ASXL1: variants seen among roughly 807,000 people sequenced by gnomAD.
The protein encoded by ASXL1 is ASXL transcriptional regulator 1.
ASXL1 carries 65 observed loss-of-function variants against 89.1 expected under a neutral mutation model. The ratio of observed to expected loss-of-function variants is 0.73; its 90% CI spans 0.60 to 0.90. ASXL1 has a LOEUF of 0.90. Ranked by LOEUF, ASXL1 falls within the 40% of genes least tolerant of loss-of-function variation. The pLI, the probability that ASXL1 is intolerant of heterozygous loss-of-function variation, is 0.00. For missense variants in ASXL1, 1,786 were observed against 1,942.9 expected (o/e 0.92, Z 1.52); for synonymous variants, 739 against 746.9 (o/e 0.99, Z 0.17).
At chr20:32,372,378 A>C (rs765508372) in intron 4 of ASXL1, 5 of 1,135,922 alleles carry the variant, frequency 4.4e-6, no homozygotes, top group Non-Finnish European at 5.4e-6. Context: ...GGCCTTTTAC[A>C]TCCATAGGCA....
At chr20:32,385,307 T>A (rs1340059970) in intron 4 of ASXL1, among the ~76,000 whole-genome samples, 1 of 152,174 alleles carries the variant, frequency 6.6e-6, no homozygotes, top group Non-Finnish European at 1.5e-5. Flanking sequence ...AGAGGACAGG[T>A]TAGGAACTTT....
At chr20:32,391,715 C>CTG (rs1403842414) in intron 4 of ASXL1, among the ~76,000 whole-genome samples, 7 of 152,150 alleles carry the variant, frequency 4.6e-5, no homozygotes, top group African/African-American at 1.7e-4. Flanking sequence ...TCTTGAACTT[C>CTG]TGAGCTCAAG....
intron 6 of ASXL1, chr20:32,428,785 C>T (rs1014362382): frequency 2.7e-5 from 8 of 296,232 alleles, no homozygotes; most frequent in South Asian, 1.9e-4. Flanking sequence ...CTCAGCCTCC[C>T]GAGTAGCTGG....
intron 4 of ASXL1, among the ~76,000 whole-genome samples, chr20:32,416,268 C>T (rs902554971): frequency 6.6e-6 from 1 of 151,916 alleles, no homozygotes; most frequent in Admixed American, 6.6e-5. Flanking sequence ...GAACTTACTC[C>T]TTCTATTTAA....
At chr20:32,375,658 A>G (rs552023471) in intron 4 of ASXL1, among the ~76,000 whole-genome samples, 1 of 151,520 alleles carries the variant, frequency 6.6e-6, no homozygotes, top group Admixed American at 6.7e-5. Context: ...GTTGTATAGA[A>G]GTAAGTAGTT....
At chr20:32,411,994 G>A (rs1031974747) in intron 4 of ASXL1, among the ~76,000 whole-genome samples, 1 of 151,986 alleles carries the variant, frequency 6.6e-6, no homozygotes, top group African/African-American at 2.4e-5. Flanking sequence ...TTACTTACCT[G>A]CTTTCTGACC....
At chr20:32,420,677 G>A (rs1469052581) in intron 4 of ASXL1, among the ~76,000 whole-genome samples, 1 of 152,012 alleles carries the variant, frequency 6.6e-6, no homozygotes, top group East Asian at 1.9e-4. Flanking sequence ...CTGTAAAATT[G>A]AATTTCTTTC....
intron 4 of ASXL1, chr20:32,372,453 G>A (rs2048313815): frequency 9.6e-7 from 1 of 1,044,736 alleles, no homozygotes; most frequent in Non-Finnish European, 1.2e-6. Flanking sequence ...GGTTCCTCTA[G>A]TTAGACTGTA....
intron 4 of ASXL1, among the ~76,000 whole-genome samples, chr20:32,409,231 C>T (rs908037537): frequency 6.6e-6 from 1 of 152,142 alleles, no homozygotes; most frequent in Admixed American, 6.5e-5. Flanking sequence ...CCTTGGCCTT[C>T]CAAAGTGCTG....
intron 10 of ASXL1, 59 bp downstream of exon 10, chr20:32,431,738 G>A (rs2123240968): frequency 2.6e-6 from 4 of 1,552,110 alleles, no homozygotes; most frequent in Admixed American, 3.4e-5. Context: ...GGTGTTGCAT[G>A]TCTCCTGGTA....
chr20:32,404,737 T>C (rs1198828949), intron 4 of ASXL1, among the ~76,000 whole-genome samples: 1 of 152,242 alleles, frequency 6.6e-6, no homozygotes, highest in East Asian at 1.9e-4. Flanking sequence ...AGAAAGCCTT[T>C]AGTCTTTCAC....
At position 32,433,577 on chromosome 20, in the gene ASXL1, G is replaced by A. The variant is rs1183748271; in HGVS notation, c.1379G>A (p.Gly460Glu). The A allele has an allele frequency of 1.2e-6, 2 of 1,614,136 alleles. No homozygotes were observed. Among genetic ancestry groups the A allele is most frequent in the East Asian group, 4.5e-5 (2 of 44,882 alleles). Residue 460 changes from glycine to glutamate, a missense_variant, in exon 12 of 13, where the codon GGG becomes GAG. By Grantham distance (98) the Gly-to-Glu change is moderately conservative. Transcript: ENST00000375687. ...KDGEAKTDPA[G>E]LSSPHLPGTS... ...GGGGAGGCTAAGACTGACCCAGCAG[G>A]GCTGAGCAGTCCCCATCTGCCAGGC... is the stretch of plus-strand genomic sequence containing the variant.
chr20:32,398,620 T>G (rs1335844355), intron 4 of ASXL1, among the ~76,000 whole-genome samples: 2 of 146,658 alleles, frequency 1.4e-5, no homozygotes, highest in Non-Finnish European at 3.0e-5. Flanking sequence ...TTTTTGTTTT[T>G]TTTTTTTGAG....
At chr20:32,430,719 GTT>G (rs147751641) in intron 8 of ASXL1, 109 of 241,630 alleles carry the variant, frequency 4.5e-4, no homozygotes, top group Non-Finnish European at 8.1e-4. Flanking sequence ...TGAGAACTAG[GTT>G]TGCTGTCTTG....
In ASXL1 at chr20:32,358,780, A is replaced by G. The variant is rs2048056155; in HGVS notation, c.5A>G (p.Lys2Arg). 4.0e-6 allele frequency: 6 copies of G among 1,492,660 alleles called. No individual in the cohort carries two copies. Among genetic ancestry groups the G allele is most frequent in the Non-Finnish European group, 5.4e-6 (6 of 1,117,442 alleles). 92.5% of individuals were successfully genotyped at this position (1,492,660 alleles called of 1,614,324 possible). Residue 2 changes from lysine to arginine, a missense_variant, in exon 1 of 13, where the codon AAG becomes AGG. By Grantham distance (26) the Lys-to-Arg change is conservative (BLOSUM62 2). Around this residue, in one of 3 missense-constraint regions of ASXL1, gnomAD observed 332 missense variants for 449.7 expected, o/e 0.74. Coordinates refer to ENST00000375687, the MANE Select transcript of ASXL1 (RefSeq NM_015338.6). M[K>R]DKQKKKKERT... The stretch of plus-strand genomic sequence containing the variant: ...CCGCCGCCGCCGGGGAGAAGGATGA[A>G]GGACAAACAGAAGAAGAAGAAGGAG...
chr20:32,391,488 G>C (rs1313092373), intron 4 of ASXL1, among the ~76,000 whole-genome samples: 2 of 151,948 alleles, frequency 1.3e-5, no homozygotes, highest in African/African-American at 2.4e-5. Flanking sequence ...TCAAGTTTTT[G>C]TTTTCGTTGT....
chr20:32,416,854 G>C (rs936065065), intron 4 of ASXL1, among the ~76,000 whole-genome samples: 2 of 152,132 alleles, frequency 1.3e-5, no homozygotes, highest in Non-Finnish European at 2.9e-5. Context: ...TTTTTTAAAA[G>C]TTTTGAGAAA....
At chr20:32,413,379 A>G (rs2049082336) in intron 4 of ASXL1, among the ~76,000 whole-genome samples, 1 of 152,194 alleles carries the variant, frequency 6.6e-6, no homozygotes, top group East Asian at 1.9e-4. Flanking sequence ...AACCTTTTAT[A>G]TAGTTTTGAT....
chr20:32,412,594 A>ATT (rs377498376), intron 4 of ASXL1, among the ~76,000 whole-genome samples: 1,696 of 137,526 alleles, frequency 0.012, 27 homozygotes, highest in African/African-American at 0.036. Flanking sequence ...AAAGAAATAA[A>ATT]TTTTTTTTTT....
Sources: allele counts gnomAD v4.1 joint callset (sites outside exome capture counted in the v4.1 genomes callset), GRCh38; gene constraint gnomAD v4.1.1; regional missense constraint gnomAD v4.1.1; transcripts MANE v1.5; gene names NCBI Gene and HGNC (gene_info 2026-07-23, HGNC 2026-07-21).